The following DPYS variants were observed in gnomAD, a reference collection of about 807,000 sequenced individuals.
DPYS encodes the protein dihydropyrimidine amidohydrolase.
In DPYS, 39 loss-of-function variants were observed where a neutral mutation model predicts 50.3. The observed-to-expected ratio is 0.78, with a 90% confidence interval of 0.60 to 1.01. The LOEUF is 1.01. DPYS is among the 50% of genes least tolerant of loss of function. The pLI, the probability that DPYS is intolerant of heterozygous loss-of-function variation, is 0.00. For synonymous variants in DPYS, 245 were observed against 250.7 expected, an observed-to-expected ratio of 0.98 and a Z score of 0.22; for missense variants, 659 against 680.9, an observed-to-expected ratio of 0.97 and a Z score of 0.36.
At chr8:104,406,345 C>T (rs1266316621) in intron 7 of DPYS, among the ~76,000 whole-genome samples, 2 of 152,154 alleles carry the variant, frequency 1.3e-5, no homozygotes, top group Admixed American at 6.5e-5. Context: ...GGCATCTATA[C>T]CTAGAGCTCT....
At chr8:104,383,895 C>A (rs1397683085) in intron 8 of DPYS, among the ~76,000 whole-genome samples, 2 of 152,152 alleles carry the variant, frequency 1.3e-5, no homozygotes, top group African/African-American at 4.8e-5. Context: ...AGCCACTGAG[C>A]CTGGCCTGGG....
At chr8:104,425,015 A>G (rs368476148) in intron 6 of DPYS, among the ~76,000 whole-genome samples, 3 of 152,156 alleles carry the variant, frequency 2.0e-5, no homozygotes, top group African/African-American at 7.2e-5. Context: ...TATTTAGTAG[A>G]GACGGGGTTT....
intron 4 of DPYS, among the ~76,000 whole-genome samples, chr8:104,440,561 A>G (rs576015230): frequency 1.5e-4 from 23 of 152,278 alleles, no homozygotes; most frequent in Admixed American, 1.5e-3. Context: ...CACCTCGACC[A>G]GTCTGGCCAA....
At chr8:104,464,083 T>A (rs1814265292) in intron 1 of DPYS, among the ~76,000 whole-genome samples, 1 of 152,198 alleles carries the variant, frequency 6.6e-6, no homozygotes, top group South Asian at 2.1e-4. Flanking sequence ...ACCTTTGACC[T>A]TAATATCTCT....
At chr8:104,398,188 C>T (rs1811653861) in intron 7 of DPYS, among the ~76,000 whole-genome samples, 1 of 152,218 alleles carries the variant, frequency 6.6e-6, no homozygotes, top group Non-Finnish European at 1.5e-5. Context: ...CAAAATGATG[C>T]CCTAGTACCA....
At chr8:104,410,553 G>C (rs1369057546) in intron 7 of DPYS, among the ~76,000 whole-genome samples, 2 of 152,054 alleles carry the variant, frequency 1.3e-5, no homozygotes, top group Admixed American at 1.3e-4. Context: ...AGGGTGAGTT[G>C]GTTTTGCTAC....
intron 7 of DPYS, among the ~76,000 whole-genome samples, chr8:104,404,901 T>C (rs1811942101): frequency 6.6e-6 from 1 of 152,216 alleles, no homozygotes; most frequent in South Asian, 2.1e-4. Context: ...AAAAGTTTGC[T>C]CTTCCCCTGC....
intron 8 of DPYS, among the ~76,000 whole-genome samples, chr8:104,381,852 T>TCACACACACACACACA (rs59581374): frequency 0.054 from 6,685 of 123,774 alleles, 224 homozygotes; most frequent in Middle Eastern, 0.069. Context: ...AGTTTTGAAA[T>TCACACACACACACACA]CACACACACA....
At chr8:104,399,306 AAAAACAACAAC>A (rs1811704274) in intron 7 of DPYS, among the ~76,000 whole-genome samples, 2 of 38,674 alleles carry the variant, frequency 5.2e-5, no homozygotes, top group East Asian at 3.9e-4. Context: ...AAAAAAAAAA[AAAAACAACAAC>A]AAAAAAAAAC....
intron 4 of DPYS, among the ~76,000 whole-genome samples, chr8:104,431,691 C>T (rs1298451115): frequency 2.0e-5 from 3 of 151,904 alleles, no homozygotes; most frequent in Admixed American, 6.6e-5. Flanking sequence ...ACATGCATAC[C>T]ATTCTATAGT....
At chr8:104,420,188 G>A (rs1242599197) in intron 7 of DPYS, 1 of 152,212 alleles carries the variant, frequency 6.6e-6, no homozygotes, top group Non-Finnish European at 1.5e-5. Context: ...TAGGGGTAGT[G>A]TCTAAGGACA....
At chr8:104,427,782 GAGA>G (rs1321623361) in intron 6 of DPYS, among the ~76,000 whole-genome samples, 195 bp downstream of exon 6, 9 of 152,298 alleles carry the variant, frequency 5.9e-5, no homozygotes, top group African/African-American at 1.9e-4. Flanking sequence ...AAACTATGCA[GAGA>G]AGATTATTTC....
chr8:104,401,710 T>C (rs972348769), intron 7 of DPYS, among the ~76,000 whole-genome samples: 1 of 152,250 alleles, frequency 6.6e-6, no homozygotes, highest in Non-Finnish European at 1.5e-5. Flanking sequence ...AGACTTTTTC[T>C]AAGTGTGTGT....
At chr8:104,395,451 T>TC (rs1422580849) in intron 7 of DPYS, among the ~76,000 whole-genome samples, 13 of 152,190 alleles carry the variant, frequency 8.5e-5, no homozygotes, top group Non-Finnish European at 5.9e-5. Flanking sequence ...ACTCATACTA[T>TC]CCCTCTGTAG....
At chr8:104,396,641 T>C (rs1043194441) in intron 7 of DPYS, among the ~76,000 whole-genome samples, 3 of 152,152 alleles carry the variant, frequency 2.0e-5, no homozygotes, top group African/African-American at 4.8e-5. Flanking sequence ...CAGAAAAATA[T>C]ATATGCATGT....
intron 9 of DPYS, 150 bp from the exon 10 acceptor site, chr8:104,379,993 C>T (rs969265163): frequency 9.8e-6 from 3 of 304,682 alleles, no homozygotes; most frequent in Middle Eastern, 7.3e-4. Flanking sequence ...AGCATTGAAT[C>T]GCATTCCTTT....
chr8:104,443,590 T>G (rs1200251901), intron 4 of DPYS, among the ~76,000 whole-genome samples: 1 of 152,058 alleles, frequency 6.6e-6, no homozygotes, highest in African/African-American at 2.4e-5. Flanking sequence ...TAGGGAAGCT[T>G]CTTCAAAATT....
intron 7 of DPYS, among the ~76,000 whole-genome samples, chr8:104,422,057 AT>A (rs1312029591): frequency 6.6e-6 from 1 of 152,178 alleles, no homozygotes; most frequent in Non-Finnish European, 1.5e-5. Flanking sequence ...AGGGAAGACA[AT>A]GCTCTACCCC....
At chr8:104,391,170 C>T (rs1227633384) in intron 8 of DPYS, among the ~76,000 whole-genome samples, 3 of 152,096 alleles carry the variant, frequency 2.0e-5, no homozygotes, top group Non-Finnish European at 2.9e-5. Flanking sequence ...ATGGATAAAT[C>T]TTGCATAATG....
Sources: gnomAD v4.1 joint callset for allele counts (sites outside exome capture counted in the v4.1 genomes callset) on GRCh38, gnomAD v4.1.1 for gene constraint, MANE v1.5 for transcripts, NCBI Gene and HGNC (gene_info 2026-07-23, HGNC 2026-07-21) for gene names.